The following GPR107 variants were observed in gnomAD, a reference collection of about 807,000 sequenced individuals.
GPR107 encodes the protein G protein-coupled receptor 107, also known as protein GPR107.
GPR107 carries 31 observed loss-of-function variants against 75.5 expected under a neutral mutation model. That is an observed-to-expected ratio of 0.41 (90% CI 0.31 to 0.55). The LOEUF is 0.55. Ranked by LOEUF, GPR107 falls within the 20% of genes least tolerant of loss-of-function variation. GPR107 has a pLI of 0.26. For synonymous variants in GPR107, 267 were observed against 251.3 expected (o/e 1.06, Z -0.59); for missense variants, 572 against 665.7 (o/e 0.86, Z 1.55).
rs1403939005 is a variant in GPR107 at position 130,112,903 on chromosome 9, C to T, written c.1306+5364C>T. ...TAGCTAGGACTACAGGCGTGTGCTG[C>T]TATGCCTGGCTAATTTTTGTATTTT... On this transcript the variant is annotated intron_variant, in intron 14 of 17. Coordinates refer to ENST00000347136, the MANE Select transcript of GPR107 (RefSeq NM_020960.5). The surrounding 1 kb of genome is among the most constrained non-coding windows in gnomAD (Gnocchi z 4.0). Among the ~76,000 whole-genome samples, 1 of 152,042 alleles carries T rather than the reference C, an allele frequency of 6.6e-6. No individual in the cohort carries two copies. Among genetic ancestry groups the T allele is most frequent in the East Asian group, 1.9e-4 (1 of 5,188 alleles).
At chr9:130,096,670 G>A (rs1228087333) in intron 9 of GPR107, among the ~76,000 whole-genome samples, 4 of 152,008 alleles carry the variant, frequency 2.6e-5, no homozygotes, top group Non-Finnish European at 4.4e-5. Flanking sequence ...GTTTCACTAC[G>A]TTGGCCAGGC....
intron 2 of GPR107, 35 bp downstream of exon 2, chr9:130,075,784 CTTTT>C (rs11446412): frequency 5.8e-4 from 393 of 673,494 alleles, no homozygotes; most frequent in Middle Eastern, 1.8e-3. Context: ...GGGGTTTACT[CTTTT>C]TTTTTTTTTT....
rs3814544 is a variant in GPR107 at position 130,137,115 on chromosome 9, C to T, written c.*1994C>T. On this transcript the variant is annotated 3_prime_UTR_variant, in exon 18 of 18. Transcript: ENST00000347136. ...AGAGGGACACATTTGCTGTTTCTCC[C>T]GCAAGCAGATGTTGTGGATGAGGCG... 19,497 of 152,192 alleles carry T rather than the reference C, an allele frequency of 0.13. 1,517 individuals carry two copies. The highest frequency in any genetic ancestry group is 0.31 in the East Asian group (1,589 of 5,172). The allele number at this position is 152,192 out of a possible 1,614,324, so 9.4% of individuals were successfully genotyped here. A position where few individuals can be genotyped will look rare whatever the true frequency, so the allele number is the denominator to read the frequency against.
At chr9:130,128,332 A>G (rs1831735786) in intron 16 of GPR107, among the ~76,000 whole-genome samples, 2 of 152,206 alleles carry the variant, frequency 1.3e-5, no homozygotes, top group Admixed American at 1.3e-4. Flanking sequence ...TTTTTTCTTG[A>G]ATAACTCACT....
intron 1 of GPR107, among the ~76,000 whole-genome samples, chr9:130,065,703 G>C (rs1830051535): frequency 6.8e-6 from 1 of 148,028 alleles, no homozygotes; most frequent in Non-Finnish European, 1.5e-5. Context: ...GGAGGTGGAG[G>C]TTGCAGTGAA....
chr9:130,062,050 A>G (rs913235632), intron 1 of GPR107, among the ~76,000 whole-genome samples: 2 of 152,152 alleles, frequency 1.3e-5, no homozygotes, highest in African/African-American at 2.4e-5. Flanking sequence ...TTAGTTTCCT[A>G]CTTTGTAAAA....
At chr9:130,126,680 G>A (rs1831696800) in intron 15 of GPR107, among the ~76,000 whole-genome samples, 1 of 152,146 alleles carries the variant, frequency 6.6e-6, no homozygotes, top group South Asian at 2.1e-4. Flanking sequence ...TGTTCGTTTG[G>A]CATTGTCACT....
At chr9:130,124,793 G>A (rs1309406811) in intron 14 of GPR107, 122 bp from the exon 15 acceptor site, 5 of 628,592 alleles carry the variant, frequency 8.0e-6, no homozygotes, top group South Asian at 2.0e-5. Context: ...AGATGGATGT[G>A]CCTCTGAGTG....
intron 14 of GPR107, among the ~76,000 whole-genome samples, chr9:130,110,767 G>A (rs1375963939): frequency 3.3e-5 from 5 of 152,164 alleles, no homozygotes; most frequent in African/African-American, 1.2e-4. Flanking sequence ...TGAAGCTTGC[G>A]GGAAAGCGGG....
In GPR107 at chr9:130,139,759, A is replaced by T. The variant is rs1588093383; in HGVS notation, c.*4638A>T. The T allele has an allele frequency of 6.6e-6, 1 of 152,310 alleles. No individual in the cohort carries two copies. Among genetic ancestry groups the T allele is most frequent in the Non-Finnish European group, 1.5e-5 (1 of 68,108 alleles). The allele number at this position is 152,310 out of a possible 1,614,324, so 9.4% of individuals were successfully genotyped here. A position where few individuals can be genotyped will look rare whatever the true frequency, so the allele number is the denominator to read the frequency against. Reference sequence around the variant, plus strand: ...TTTGGATTTTGGAGGAAGCAGCCAGATGAGGCGGTGAGCCTCCAGAAGGTC... The same window carrying T: ...TTTGGATTTTGGAGGAAGCAGCCAGTTGAGGCGGTGAGCCTCCAGAAGGTC... On this transcript the variant is annotated 3_prime_UTR_variant, in exon 18 of 18. Transcript: ENST00000347136.
intron 13 of GPR107, among the ~76,000 whole-genome samples, chr9:130,106,759 C>T (rs1395680350): frequency 3.3e-5 from 5 of 151,928 alleles, no homozygotes; most frequent in African/African-American, 4.8e-5. Flanking sequence ...GGGCAAATTA[C>T]GGAGGATTTA....
At chr9:130,072,970 C>T (rs974794928) in intron 1 of GPR107, among the ~76,000 whole-genome samples, 3 of 152,134 alleles carry the variant, frequency 2.0e-5, no homozygotes, top group East Asian at 1.9e-4. Flanking sequence ...ATTTCCAGAA[C>T]GTAGACACAC....
chr9:130,057,225 C>T (rs1351995222), intron 1 of GPR107, among the ~76,000 whole-genome samples: 1 of 152,096 alleles, frequency 6.6e-6, no homozygotes, highest in African/African-American at 2.4e-5. Flanking sequence ...CGCCTGGTAG[C>T]TCACACCTGT....
Position 130,092,236 on chromosome 9 carries a change from T to C in GPR107, c.730-12T>C. ...TTCTGAAAAGTAAAAATTAATTTCATGCTGGTTTCAGATTGAGATCACAGA... is the reference window on the plus strand; with the variant it reads ...TTCTGAAAAGTAAAAATTAATTTCACGCTGGTTTCAGATTGAGATCACAGA... On this transcript the variant is annotated splice_polypyrimidine_tract_variant and intron_variant, in intron 8 of 17. Transcript: ENST00000347136. 6.2e-7 allele frequency: 1 copy of C among 1,605,914 alleles called. No homozygotes were observed. Among genetic ancestry groups the C allele is most frequent in the East Asian group, 2.2e-5 (1 of 44,864 alleles).
chr9:130,060,383 A>G (rs1414200490), intron 1 of GPR107, among the ~76,000 whole-genome samples: 2 of 148,356 alleles, frequency 1.3e-5, no homozygotes, highest in African/African-American at 2.5e-5. Flanking sequence ...TTATTAATGG[A>G]ATAAAAATGA....
At chr9:130,065,815 A>G (rs561332652) in intron 1 of GPR107, among the ~76,000 whole-genome samples, 1 of 151,218 alleles carries the variant, frequency 6.6e-6, no homozygotes, top group East Asian at 1.9e-4. Context: ...AAGTAAATCA[A>G]ATCCTTCTTT....
At chr9:130,077,421 G>A (rs374395379) in intron 4 of GPR107, 43 bp downstream of exon 4, 6 of 970,962 alleles carry the variant, frequency 6.2e-6, no homozygotes, top group Non-Finnish European at 1.0e-5. Context: ...CTAGAGTAGA[G>A]TCGGGGAGAA....
chr9:130,065,347 G>A (rs1437470250), intron 1 of GPR107, among the ~76,000 whole-genome samples: 2 of 151,932 alleles, frequency 1.3e-5, no homozygotes, highest in East Asian at 1.9e-4. Context: ...TGAGGCAGGA[G>A]AATCGCTTGA....
intron 14 of GPR107, among the ~76,000 whole-genome samples, chr9:130,123,982 A>C (rs1831614038): frequency 6.6e-6 from 1 of 152,128 alleles, no homozygotes; most frequent in Non-Finnish European, 1.5e-5. Flanking sequence ...TCATTAGTGC[A>C]TTGGGTTTCT....
Sources: allele counts gnomAD v4.1 joint callset (sites outside exome capture counted in the v4.1 genomes callset), GRCh38; gene constraint gnomAD v4.1.1; non-coding constraint Gnocchi (gnomAD v3.1); transcripts MANE v1.5; gene names NCBI Gene and HGNC (gene_info 2026-07-23, HGNC 2026-07-21).